Variants in PHACTR3 observed in about 807,000 individuals in gnomAD.
PHACTR3 encodes the protein phosphatase and actin regulator 3.
In PHACTR3, 16 loss-of-function variants were observed where a neutral mutation model predicts 66.8. The observed-to-expected ratio is 0.24, with a 90% CI of 0.16 to 0.36. The LOEUF (loss-of-function observed/expected upper bound fraction) is 0.36, where lower values mean the gene tolerates loss of function less well. Ranked by LOEUF, PHACTR3 falls within the 10% of genes least tolerant of loss-of-function variation. The pLI, the probability that PHACTR3 is intolerant of heterozygous loss-of-function variation, is 1.00. For missense variants in PHACTR3, 647 were observed against 719.9 expected, an observed-to-expected ratio of 0.90 and a Z score of 1.16; for synonymous variants, 323 against 292.1, an observed-to-expected ratio of 1.11 and a Z score of -1.08.
chr20:59,635,415 T>G (rs1973960), intron 1 of PHACTR3, among the ~76,000 whole-genome samples: 119,299 of 150,406 alleles, frequency 0.79, 47,525 homozygotes, highest in East Asian at 0.91. Context: ...TTTGTATTTA[T>G]TAGAGACGGG....
intron 10 of PHACTR3, among the ~76,000 whole-genome samples, chr20:59,840,653 T>TG (rs1378210104): frequency 5.9e-5 from 9 of 152,230 alleles, no homozygotes; most frequent in Non-Finnish European, 1.2e-4. Flanking sequence ...CGGTAGCACT[T>TG]GGAGAGGTGC....
chr20:59,735,956 G>A (rs1296801347), intron 1 of PHACTR3, among the ~76,000 whole-genome samples: 1 of 152,142 alleles, frequency 6.6e-6, no homozygotes, highest in Non-Finnish European at 1.5e-5. Flanking sequence ...AACAGTTCTT[G>A]CCTCATAGCT....
chr20:59,638,472 G>A (rs533492204), intron 1 of PHACTR3, among the ~76,000 whole-genome samples: 26 of 150,298 alleles, frequency 1.7e-4, no homozygotes, highest in South Asian at 6.4e-4. Flanking sequence ...GTAGATGGGT[G>A]GATGGATGGA....
At chr20:59,785,672 A>G (rs1043981973) in intron 7 of PHACTR3, among the ~76,000 whole-genome samples, 2 of 152,162 alleles carry the variant, frequency 1.3e-5, no homozygotes, top group Admixed American at 1.3e-4. Flanking sequence ...GTCAGTCAAG[A>G]GCGTTTATTG....
intron 1 of PHACTR3, among the ~76,000 whole-genome samples, chr20:59,664,946 A>C (rs951074319): frequency 6.6e-6 from 1 of 152,132 alleles, no homozygotes; most frequent in Non-Finnish European, 1.5e-5. Context: ...CTGTGATCTC[A>C]ACCCTCTCGC....
intron 1 of PHACTR3, among the ~76,000 whole-genome samples, chr20:59,650,265 C>A (rs900008170): frequency 1.3e-5 from 2 of 152,002 alleles, no homozygotes; most frequent in African/African-American, 2.4e-5. Context: ...GTGTATATAT[C>A]TGCATATACC....
intron 1 of PHACTR3, among the ~76,000 whole-genome samples, chr20:59,734,148 T>G (rs1403434782): frequency 2.0e-5 from 3 of 152,186 alleles, no homozygotes; most frequent in African/African-American, 7.2e-5. Flanking sequence ...CTCTGTTCCA[T>G]AGACCATAAG....
intron 8 of PHACTR3, among the ~76,000 whole-genome samples, chr20:59,821,812 G>A (rs1010222357): frequency 2.0e-5 from 3 of 151,988 alleles, no homozygotes; most frequent in Admixed American, 6.6e-5. Flanking sequence ...GAGCACCGCC[G>A]GGGAATTTAA....
chr20:59,723,468 A>G (rs1016039562), intron 1 of PHACTR3, among the ~76,000 whole-genome samples: 1 of 152,102 alleles, frequency 6.6e-6, no homozygotes, highest in African/African-American at 2.4e-5. Context: ...GTATTCCATG[A>G]TACATAGACC....
At chr20:59,696,363 C>A (rs1485795903) in intron 1 of PHACTR3, among the ~76,000 whole-genome samples, 4 of 152,142 alleles carry the variant, frequency 2.6e-5, no homozygotes, top group African/African-American at 9.7e-5. Flanking sequence ...TCTTTCAGGG[C>A]TTTACTGAGA....
intron 12 of PHACTR3, among the ~76,000 whole-genome samples, chr20:59,846,668 A>G (rs1222272632): frequency 1.1e-4 from 16 of 152,196 alleles, no homozygotes; most frequent in African/African-American, 3.4e-4. Flanking sequence ...TGTGGTATAA[A>G]GACCCTAAAA....
chr20:59,607,094 T>C (rs1158586601), intron 1 of PHACTR3, among the ~76,000 whole-genome samples: 1 of 152,196 alleles, frequency 6.6e-6, no homozygotes, highest in Non-Finnish European at 1.5e-5. Context: ...GTAAGCACCT[T>C]GCCTGGCTGG....
chr20:59,739,359 C>T (rs2039069366), intron 1 of PHACTR3, among the ~76,000 whole-genome samples: 1 of 152,166 alleles, frequency 6.6e-6, no homozygotes, highest in Non-Finnish European at 1.5e-5. Context: ...CGTTTTCATA[C>T]TGCTACAAAG....
At chr20:59,787,098 C>T (rs558704247) in intron 7 of PHACTR3, among the ~76,000 whole-genome samples, 1 of 152,350 alleles carries the variant, frequency 6.6e-6, no homozygotes, top group South Asian at 2.1e-4. Flanking sequence ...AACCATGTCC[C>T]AGTGCTGGCC....
At chr20:59,581,754 G>C (rs956109961) in intron 1 of PHACTR3, among the ~76,000 whole-genome samples, 5 of 152,168 alleles carry the variant, frequency 3.3e-5, no homozygotes, top group African/African-American at 1.2e-4. Flanking sequence ...GGTGGCAGGT[G>C]CCTGTAGTCC....
chr20:59,672,988 C>T (rs901853051), intron 1 of PHACTR3, among the ~76,000 whole-genome samples: 1 of 152,104 alleles, frequency 6.6e-6, no homozygotes, highest in African/African-American at 2.4e-5. Flanking sequence ...GGACACAGAG[C>T]CCAGAGGAGT....
intron 1 of PHACTR3, among the ~76,000 whole-genome samples, chr20:59,605,652 G>A (rs1261546409): frequency 6.6e-6 from 1 of 152,240 alleles, no homozygotes. Context: ...CCGGACAGGT[G>A]TGCTGGGCAG....
At chr20:59,741,750 CTTTCT>C (rs1463886359) in intron 1 of PHACTR3, among the ~76,000 whole-genome samples, 1 of 86,026 alleles carries the variant, frequency 1.2e-5, no homozygotes, top group Non-Finnish European at 2.1e-5. Flanking sequence ...CCATTTCTTT[CTTTCT>C]TTTTTTTTTT....
chr20:59,677,235 A>G (rs2036479874), intron 1 of PHACTR3, among the ~76,000 whole-genome samples: 1 of 152,192 alleles, frequency 6.6e-6, no homozygotes, highest in African/African-American at 2.4e-5. Flanking sequence ...AATTCAAAGT[A>G]GAGGAGGTTT....
Sources: gnomAD v4.1 joint callset for allele counts (sites outside exome capture counted in the v4.1 genomes callset) on GRCh38, gnomAD v4.1.1 for gene constraint, MANE v1.5 for transcripts, NCBI Gene and HGNC (gene_info 2026-07-23, HGNC 2026-07-21) for gene names.